Variants in MACROH2A1 observed in about 807,000 individuals in gnomAD.
The protein encoded by MACROH2A1 is macroH2A.1 histone.
MACROH2A1 carries 2 observed loss-of-function variants against 31.6 expected under a neutral mutation model. The observed-to-expected ratio is 0.06, with a 90% CI of 0.03 to 0.20. The LOEUF (loss-of-function observed/expected upper bound fraction) is 0.20. Among genes scored for constraint, MACROH2A1 ranks in the 10% least tolerant of loss-of-function variants. MACROH2A1 has a pLI of 1.00. For synonymous variants in MACROH2A1, 169 were observed against 189.6 expected (o/e 0.89, Z 0.89); for missense variants, 230 against 474.0 (o/e 0.49, Z 4.78).
At chr5:135,335,217 C>T in intron 8 of MACROH2A1, 76 bp from the exon 9 acceptor site, 1 of 1,081,922 alleles carries the variant, frequency 9.2e-7, no homozygotes, top group South Asian at 1.4e-5. Context: ...TTACAGGCCA[C>T]CTCCCTCTGT....
At chr5:135,342,759 G>T (rs895829658) in intron 8 of MACROH2A1, among the ~76,000 whole-genome samples, 4 of 152,324 alleles carry the variant, frequency 2.6e-5, no homozygotes, top group Admixed American at 6.5e-5. Context: ...AGTAAGACAG[G>T]GAGTCAGGTA....
chr5:135,372,190 T>A (rs1257085303), intron 2 of MACROH2A1, among the ~76,000 whole-genome samples: 1 of 152,210 alleles, frequency 6.6e-6, no homozygotes, highest in Non-Finnish European at 1.5e-5. Flanking sequence ...AGGAGGCCCC[T>A]GTCTTCTCAG....
intron 1 of MACROH2A1, among the ~76,000 whole-genome samples, chr5:135,391,488 C>T (rs1180716879): frequency 1.3e-5 from 2 of 152,190 alleles, no homozygotes; most frequent in Non-Finnish European, 2.9e-5. Context: ...CACGCTGACT[C>T]CTTAAAAGTG....
chr5:135,370,677 C>T (rs1456140837), intron 2 of MACROH2A1, among the ~76,000 whole-genome samples: 1 of 152,204 alleles, frequency 6.6e-6, no homozygotes, highest in East Asian at 1.9e-4. Flanking sequence ...ACAAAGTCAA[C>T]ATCACAAATA....
At chr5:135,349,280 T>C (rs1761225098) in intron 6 of MACROH2A1, among the ~76,000 whole-genome samples, 1 of 152,232 alleles carries the variant, frequency 6.6e-6, no homozygotes, top group Non-Finnish European at 1.5e-5. Flanking sequence ...TAGCTGTTCA[T>C]TTATTTTTCT....
upstream of MACROH2A1, chr5:135,399,806 T>C (rs1442235140): frequency 6.6e-6 from 1 of 152,300 alleles, no homozygotes; most frequent in Non-Finnish European, 1.5e-5. The surrounding 1 kb of genome is among the most constrained non-coding windows in gnomAD (Gnocchi z 4.5). Flanking sequence ...GGAACCTGCC[T>C]TGCACATGGA....
In MACROH2A1 at chr5:135,398,416, C is replaced by G. The variant is rs1484249369; in HGVS notation, c.-34+646G>C. On this transcript the variant is annotated intron_variant, in intron 1 of 8. Coordinates refer to ENST00000511689, the MANE Select transcript of MACROH2A1 (RefSeq NM_138610.3). The surrounding 1 kb of genome is among the most constrained non-coding windows in gnomAD (Gnocchi z 4.6). ...AACAAAAGGCTGATACCGAGACAAT[C>G]GGGAGCAGCGGGGGTTCCCGTGGCC... 1.3e-5 allele frequency among the ~76,000 whole-genome samples: 2 copies of G among 152,238 alleles called. No homozygotes were observed. The highest frequency in any genetic ancestry group is 2.9e-5 in the Non-Finnish European group (2 of 68,042).
chr5:135,370,341 G>A lies in MACROH2A1; in HGVS notation c.173-199C>T, dbSNP rs149463684. Among the ~76,000 whole-genome samples the A allele has an allele frequency of 7.1e-4, 108 of 152,316 alleles. 1 individual carries two copies. In the East Asian group the frequency reaches 0.014, roughly 20 times the overall value. ...GGACCTAGGAAGCCCCAGGTCCAAT[G>A]CCCTTGTTTGGGAGATGAAGGAACT... On this transcript the variant is annotated intron_variant, in intron 2 of 8. Transcript: ENST00000511689.
intron 4 of MACROH2A1, among the ~76,000 whole-genome samples, chr5:135,368,716 C>T (rs1033982873): frequency 6.6e-6 from 1 of 152,210 alleles, no homozygotes; most frequent in Non-Finnish European, 1.5e-5. Flanking sequence ...GTCTCCAGCT[C>T]ATGCTCAGAC....
At chr5:135,366,371 G>T (rs1763502842) in intron 4 of MACROH2A1, among the ~76,000 whole-genome samples, 1 of 152,122 alleles carries the variant, frequency 6.6e-6, no homozygotes, top group Admixed American at 6.6e-5. Context: ...GTGAACACAG[G>T]TGCCAGACAT....
Position 135,360,612 on chromosome 5 carries a change from C to A in MACROH2A1, c.478-5G>T, listed in dbSNP as rs537965598. ...ACTGACTTCACCCTGCTTCTTCTTGCACAGACGGAAGGGTCAGAATGTGGG... is the reference window on the plus strand; with the variant it reads ...ACTGACTTCACCCTGCTTCTTCTTGAACAGACGGAAGGGTCAGAATGTGGG... On this transcript the variant is annotated splice_polypyrimidine_tract_variant and splice_region_variant and intron_variant, in intron 4 of 8. Transcript: ENST00000511689. The A allele has an allele frequency of 6.2e-7, 1 of 1,605,416 alleles. No homozygotes were observed. Among genetic ancestry groups the A allele is most frequent in the East Asian group, 2.2e-5 (1 of 44,824 alleles).
intron 5 of MACROH2A1, 107 bp from the exon 6 acceptor site, chr5:135,353,152 C>A: frequency 1.4e-6 from 1 of 724,502 alleles, no homozygotes; most frequent in Non-Finnish European, 2.5e-6. Context: ...GTGCACGAGG[C>A]ACAAAAGGGA....
At position 135,390,455 on chromosome 5, in the gene MACROH2A1, G is replaced by A. The variant is rs73789336; in HGVS notation, c.-33-1329C>T. On this transcript the variant is annotated intron_variant, in intron 1 of 8. Transcript: ENST00000511689. ...AGATGTGGTCCCTGTGGAACTGGTG[G>A]GGAAAAAGACAATAAATAACCCCCT... Among the ~76,000 whole-genome samples, 956 of 152,230 alleles carry A rather than the reference G, an allele frequency of 6.3e-3. 10 individuals are homozygous for A. Among genetic ancestry groups the A allele is most frequent in the African/African-American group, 0.022 (906 of 41,534 alleles).
intron 2 of MACROH2A1, among the ~76,000 whole-genome samples, chr5:135,383,370 G>C (rs1454078473): frequency 6.6e-6 from 1 of 152,222 alleles, no homozygotes; most frequent in Non-Finnish European, 1.5e-5. Flanking sequence ...ACTAAGGTCT[G>C]TCTTTTACAC....
chr5:135,374,676 T>G (rs1764620587), intron 2 of MACROH2A1, among the ~76,000 whole-genome samples: 1 of 152,236 alleles, frequency 6.6e-6, no homozygotes, highest in Non-Finnish European at 1.5e-5. Flanking sequence ...GTCTCTGTTT[T>G]GTCTGTGGCT....
chr5:135,377,477 T>C (rs1424337186), intron 2 of MACROH2A1, among the ~76,000 whole-genome samples: 1 of 152,242 alleles, frequency 6.6e-6, no homozygotes, highest in Non-Finnish European at 1.5e-5. Flanking sequence ...AGCCCTGTCA[T>C]GGTACGGTTT....
At chr5:135,345,914 T>C in intron 7 of MACROH2A1, 54 bp downstream of exon 7, 1 of 1,215,536 alleles carries the variant, frequency 8.2e-7, no homozygotes, top group Non-Finnish European at 1.2e-6. Flanking sequence ...AAAATGGCTT[T>C]CCTAATACTG....
Position 135,369,505 on chromosome 5 carries a change from G to A in MACROH2A1, c.378C>T (p.Ala126=). ...TTTTGGCTGGGGGTGGTGTGATGATGGCTTCCAACTTTCCTTTGGATCCCC... is the reference window on the plus strand; with the variant it reads ...TTTTGGCTGGGGGTGGTGTGATGATAGCTTCCAACTTTCCTTTGGATCCCC... The part of the protein sequence containing the change: ...KKRGSKGKLE[A]IITPPPAKKA... Residue 126 remains alanine, a synonymous_variant, in exon 4 of 9, where the codon GCC becomes GCT. Coordinates refer to ENST00000511689, the MANE Select transcript of MACROH2A1 (RefSeq NM_138610.3). The surrounding 1 kb of genome is among the most constrained non-coding windows in gnomAD (Gnocchi z 4.3). 2 of 1,614,078 alleles carry A rather than the reference G, an allele frequency of 1.2e-6. No individual in the cohort carries two copies. The highest frequency in any genetic ancestry group is 8.5e-7 in the Non-Finnish European group (1 of 1,179,926).
intron 2 of MACROH2A1, among the ~76,000 whole-genome samples, chr5:135,382,608 C>T (rs1225992553): frequency 6.6e-6 from 1 of 152,158 alleles, no homozygotes; most frequent in Non-Finnish European, 1.5e-5. Context: ...GGACACAACA[C>T]CAAGGGTACA....
Sources: gnomAD v4.1 joint callset for allele counts (sites outside exome capture counted in the v4.1 genomes callset) on GRCh38, gnomAD v4.1.1 for gene constraint, Gnocchi (gnomAD v3.1) non-coding constraint, MANE v1.5 for transcripts, NCBI Gene and HGNC (gene_info 2026-07-23, HGNC 2026-07-21) for gene names.